PTPN12: variants seen among roughly 807,000 people sequenced by gnomAD.
PTPN12 encodes the protein tyrosine-protein phosphatase non-receptor type 12.
A neutral mutation model predicts 97.6 loss-of-function variants in PTPN12; 29 were observed. The ratio of observed to expected loss-of-function variants is 0.30; its 90% CI spans 0.22 to 0.41. The LOEUF (loss-of-function observed/expected upper bound fraction) is 0.41, where lower values mean the gene tolerates loss of function less well. Ranked by LOEUF, PTPN12 falls within the 10% of genes least tolerant of loss-of-function variation. PTPN12 has a pLI of 1.00. For missense variants in PTPN12, 819 were observed against 926.0 expected, an observed-to-expected ratio of 0.88 and a Z score of 1.50; for synonymous variants, 327 against 300.4, an observed-to-expected ratio of 1.09 and a Z score of -0.91.
intron 8 of PTPN12, among the ~76,000 whole-genome samples, chr7:77,602,086 G>T (rs900081574): frequency 6.6e-6 from 1 of 151,676 alleles, no homozygotes. Context: ...AAAATTACTC[G>T]TTTGGATGTG....
chr7:77,626,547 C>T (rs56052251), intron 12 of PTPN12, among the ~76,000 whole-genome samples, 158 bp from the exon 13 acceptor site: 1 of 151,994 alleles, frequency 6.6e-6, no homozygotes, highest in South Asian at 2.1e-4. Flanking sequence ...ATGTGTATTA[C>T]CTTGATGAAC....
In PTPN12 at chr7:77,625,472, G is replaced by GCTTGCGCTCTCTCTCTCTCT. The variant is rs1554326598; in HGVS notation, c.1026-1231_1026-1230insTGCGCTCTCTCTCTCTCTCT. ...TTTTGCCATATTGCCCAGGCTGCTC[G>GCTTGCGCTCTCTCTCTCTCT]CTCTCTCTCTCTCTCTCTCTCTCTC... On this transcript the variant is annotated intron_variant, in intron 12 of 17. Transcript: ENST00000248594. 3.6e-4 allele frequency among the ~76,000 whole-genome samples: 12 copies of GCTTGCGCTCTCTCTCTCTCT among 33,530 alleles called. 2 individuals carry two copies. Among genetic ancestry groups the GCTTGCGCTCTCTCTCTCTCT allele is most frequent in the African/African-American group, 1.6e-3 (12 of 7,530 alleles). The allele number at this position is 33,530 out of a possible 152,430, so 22.0% of individuals were successfully genotyped here. A position where few individuals can be genotyped will look rare whatever the true frequency, so the allele number is the denominator to read the frequency against.
At chr7:77,544,618 G>T (rs1301236671) in intron 1 of PTPN12, among the ~76,000 whole-genome samples, 1 of 152,198 alleles carries the variant, frequency 6.6e-6, no homozygotes, top group East Asian at 1.9e-4. Context: ...ACATTTAGGT[G>T]GCTGTAGGTT....
Position 77,583,659 on chromosome 7 carries a change from T to A in PTPN12, c.381+9T>A. The A allele has an allele frequency of 1.1e-5, 17 of 1,513,792 alleles. No individual in the cohort carries two copies. The highest frequency in any genetic ancestry group is 2.3e-5 in the East Asian group (1 of 44,054). The allele number at this position is 1,513,792 out of a possible 1,614,324, so 93.8% of individuals were successfully genotyped here. ...GGGAGTATAATGTTGTGGTAAGTAA[T>A]TTACTTTTCACAATAAATTTTGAGA... On this transcript the variant is annotated intron_variant, in intron 4 of 17. Transcript: ENST00000248594.
chr7:77,636,392 G>A (rs1219835457), intron 15 of PTPN12, among the ~76,000 whole-genome samples: 1 of 151,900 alleles, frequency 6.6e-6, no homozygotes, highest in Non-Finnish European at 1.5e-5. Context: ...GACCATCCTG[G>A]GCAACATGGG....
intron 1 of PTPN12, among the ~76,000 whole-genome samples, chr7:77,570,631 G>A (rs1234903642): frequency 6.6e-6 from 1 of 152,218 alleles, no homozygotes; most frequent in East Asian, 1.9e-4. Flanking sequence ...GTTTTGCAGT[G>A]TCTTGTAAGT....
chr7:77,575,734 G>T (rs1787322161), intron 2 of PTPN12, among the ~76,000 whole-genome samples: 1 of 152,082 alleles, frequency 6.6e-6, no homozygotes. Flanking sequence ...ACCCCTAAAA[G>T]ATCTGAGTCT....
At chr7:77,555,232 T>C (rs1406931739) in intron 1 of PTPN12, among the ~76,000 whole-genome samples, 1 of 151,638 alleles carries the variant, frequency 6.6e-6, no homozygotes, top group Non-Finnish European at 1.5e-5. Context: ...TTTTTTTTTT[T>C]GTAGTTTGAA....
chr7:77,537,603 T>C lies in PTPN12; in HGVS notation c.57T>C (p.Ser19=). 1.2e-6 allele frequency: 2 copies of C among 1,604,380 alleles called. No individual in the cohort carries two copies. Among genetic ancestry groups the C allele is most frequent in the East Asian group, 2.3e-5 (1 of 43,800 alleles). Reference sequence around the variant, plus strand: ...TCCAGAGGGTCCAGGCCATGAAGAGTCCTGACCACAATGGGGAGGACAACT... The same window carrying C: ...TCCAGAGGGTCCAGGCCATGAAGAGCCCTGACCACAATGGGGAGGACAACT... The part of the protein sequence containing the change: ...KFIQRVQAMK[S]PDHNGEDNFA... The change falls in exon 1 of 18, where the codon AGT becomes AGC. Residue 19 remains serine (S), a synonymous_variant. Coordinates refer to ENST00000248594, the MANE Select transcript of PTPN12 (RefSeq NM_002835.4).
intron 6 of PTPN12, among the ~76,000 whole-genome samples, chr7:77,595,029 CTCTATAAATGGT>C (rs1787980843): frequency 6.6e-6 from 1 of 151,916 alleles, no homozygotes; most frequent in Non-Finnish European, 1.5e-5. Context: ...AAAGGTATAT[CTCTATAAATGGT>C]TCACAAAGAA....
At chr7:77,599,831 G>T (rs1788137207) in intron 7 of PTPN12, among the ~76,000 whole-genome samples, 1 of 152,130 alleles carries the variant, frequency 6.6e-6, no homozygotes, top group Non-Finnish European at 1.5e-5. Context: ...TGCTCTTTCT[G>T]TTAAACACCT....
At position 77,639,298 on chromosome 7, in the gene PTPN12, C is replaced by T. The variant is rs770537633; in HGVS notation, c.*18C>T. On this transcript the variant is annotated 3_prime_UTR_variant, in exon 18 of 18. Transcript: ENST00000248594. ...GGACATGATTCAGGGAGCTAGAAGA[C>T]ACTTTAAGTTATACTGGAAAATTCA... is the stretch of plus-strand genomic sequence containing the variant. 6.2e-7 allele frequency: 1 copy of T among 1,600,752 alleles called. No individual in the cohort carries two copies. Among genetic ancestry groups the T allele is most frequent in the Admixed American group, 1.7e-5 (1 of 59,002 alleles).
At chr7:77,583,685 A>C (rs1787595259) in intron 4 of PTPN12, 35 bp downstream of exon 4, 1 of 1,325,548 alleles carries the variant, frequency 7.5e-7, no homozygotes. Context: ...AATTTTGAGA[A>C]ATACTTATGT....
At chr7:77,612,657 C>T (rs531686452) in intron 11 of PTPN12, among the ~76,000 whole-genome samples, 2 of 152,066 alleles carry the variant, frequency 1.3e-5, no homozygotes, top group African/African-American at 2.4e-5. Context: ...AGGCTGGTCT[C>T]GAACTCCCAA....
At chr7:77,539,440 C>T (rs976658925) in intron 1 of PTPN12, among the ~76,000 whole-genome samples, 2 of 152,050 alleles carry the variant, frequency 1.3e-5, no homozygotes, top group Non-Finnish European at 2.9e-5. Context: ...TTAAGGAAAA[C>T]GGCATTTTCC....
chr7:77,558,393 T>C (rs1467259340), intron 1 of PTPN12, among the ~76,000 whole-genome samples: 1 of 152,134 alleles, frequency 6.6e-6, no homozygotes, highest in East Asian at 1.9e-4. Flanking sequence ...CATGTCAACT[T>C]TAGGGATCTT....
intron 15 of PTPN12, 37 bp downstream of exon 15, chr7:77,635,886 C>T: frequency 7.3e-7 from 1 of 1,376,548 alleles, no homozygotes; most frequent in Non-Finnish European, 1.0e-6. Context: ...TATAGCTTAA[C>T]ATTTCTACTC....
At chr7:77,593,265 A>G (rs1026747010) in intron 6 of PTPN12, among the ~76,000 whole-genome samples, 1 of 77,090 alleles carries the variant, frequency 1.3e-5, no homozygotes, top group Non-Finnish European at 2.3e-5. Context: ...GTGAAACTCC[A>G]TCTCAAAAAA....
intron 1 of PTPN12, among the ~76,000 whole-genome samples, chr7:77,551,042 A>G (rs1358159329): frequency 2.0e-5 from 3 of 151,464 alleles, no homozygotes; most frequent in East Asian, 3.9e-4. Context: ...CCACTTGTTT[A>G]TTTATTTATT....
Sources: allele counts gnomAD v4.1 joint callset (sites outside exome capture counted in the v4.1 genomes callset), GRCh38; gene constraint gnomAD v4.1.1; transcripts MANE v1.5; gene names NCBI Gene and HGNC (gene_info 2026-07-23, HGNC 2026-07-21).